The following TTC6 variants were observed in gnomAD, a reference collection of about 807,000 sequenced individuals.
TTC6 encodes tetratricopeptide repeat domain 6, also known as tetratricopeptide repeat protein 6.
TTC6 carries 172 observed loss-of-function variants against 210.4 expected under a neutral mutation model. The ratio of observed to expected loss-of-function variants is 0.82; its 90% CI spans 0.72 to 0.93. The LOEUF (loss-of-function observed/expected upper bound fraction) is 0.93, where lower values mean the gene tolerates loss of function less well. Ranked by LOEUF, TTC6 falls within the 40% of genes least tolerant of loss-of-function variation. The pLI, the probability that TTC6 is intolerant of heterozygous loss-of-function variation, is 0.00. For synonymous variants in TTC6, 804 were observed against 819.6 expected (o/e 0.98, Z 0.32); for missense variants, 2,414 against 2,318.1 (o/e 1.04, Z -0.85).
chr14:37,723,151 AT>A (rs1375991505), intron 6 of TTC6, among the ~76,000 whole-genome samples: 2 of 151,862 alleles, frequency 1.3e-5, no homozygotes, highest in Non-Finnish European at 2.9e-5. Flanking sequence ...TCATTGTGGG[AT>A]TTTTTTTAGA....
chr14:37,753,330 T>C (rs2095958127), intron 14 of TTC6, 95 bp downstream of exon 16: 1 of 1,070,210 alleles, frequency 9.3e-7, no homozygotes, highest in Non-Finnish European at 1.3e-6. Flanking sequence ...CAGACAGCTC[T>C]TTAAAAACAA....
intron 24 of TTC6, among the ~76,000 whole-genome samples, chr14:37,811,395 A>C (rs2096129277): frequency 1.3e-5 from 2 of 152,244 alleles, no homozygotes; most frequent in South Asian, 4.1e-4. Context: ...ACATTTTTTA[A>C]AGACACTTGA....
At chr14:37,826,110 G>A in intron 27 of TTC6, 85 bp from the exon 30 acceptor site, 1 of 1,377,348 alleles carries the variant, frequency 7.3e-7, no homozygotes, top group Non-Finnish European at 9.7e-7. Flanking sequence ...CCTTACTAAA[G>A]GTTTTATTTG....
intron 7 of TTC6, among the ~76,000 whole-genome samples, chr14:37,732,359 T>G (rs115840192): frequency 6.6e-6 from 1 of 150,802 alleles, no homozygotes; most frequent in South Asian, 2.1e-4. Flanking sequence ...ATTTTTCGTA[T>G]TTTTTAGTAC....
chr14:37,812,275 C>T (rs574881094), intron 24 of TTC6, 39 bp from the exon 27 acceptor site: 3 of 1,596,522 alleles, frequency 1.9e-6, no homozygotes, highest in East Asian at 4.5e-5. Context: ...AATTCAGGCT[C>T]TAAAAAGTTG....
At chr14:37,796,150 T>A (rs2096092201) in intron 18 of TTC6, 144 bp from the exon 21 acceptor site, 2 of 379,704 alleles carry the variant, frequency 5.3e-6, no homozygotes, top group South Asian at 9.8e-5. Flanking sequence ...TTATATAAAA[T>A]GTCTATAATT....
chr14:37,675,231 C>G (rs2095766492), intron 1 of TTC6, among the ~76,000 whole-genome samples: 1 of 152,016 alleles, frequency 6.6e-6, no homozygotes, highest in African/African-American at 2.4e-5. Flanking sequence ...TTCGCCATTC[C>G]CTATACCCCA....
intron 1 of TTC6, among the ~76,000 whole-genome samples, chr14:37,599,210 G>C (rs2095610597): frequency 6.6e-6 from 1 of 152,214 alleles, no homozygotes; most frequent in Non-Finnish European, 1.5e-5. Context: ...CCTGGCCAGG[G>C]TTCGAACTCC....
At chr14:37,778,814 C>T (rs1158773822) in intron 14 of TTC6, among the ~76,000 whole-genome samples, 5 of 152,228 alleles carry the variant, frequency 3.3e-5, no homozygotes, top group Admixed American at 2.0e-4. Context: ...CTGGGAGAGG[C>T]CAGCAGACAT....
At chr14:37,824,159 AGCTGGTAG>A in intron 27 of TTC6, among the ~76,000 whole-genome samples, 1 of 152,102 alleles carries the variant, frequency 6.6e-6, no homozygotes, top group Non-Finnish European at 1.5e-5. Flanking sequence ...CAGCCTGGGG[AGCTGGTAG>A]GCTGGTTAGA....
At chr14:37,654,937 AT>A (rs555690365) in intron 1 of TTC6, among the ~76,000 whole-genome samples, 95 of 152,296 alleles carry the variant, frequency 6.2e-4, no homozygotes, top group South Asian at 1.7e-3. Context: ...TTATCTGAAG[AT>A]TATACTTTCC....
chr14:37,667,516 G>A (rs2095750517), intron 1 of TTC6, among the ~76,000 whole-genome samples: 1 of 150,552 alleles, frequency 6.6e-6, no homozygotes, highest in Non-Finnish European at 1.5e-5. Flanking sequence ...ATGCAAATGA[G>A]ATTTTGAAAA....
At chr14:37,818,419 T>C (rs957924886) in intron 26 of TTC6, among the ~76,000 whole-genome samples, 1 of 152,158 alleles carries the variant, frequency 6.6e-6, no homozygotes, top group African/African-American at 2.4e-5. Context: ...GGATTTTAAT[T>C]TGTGATGAAA....
intron 13 of TTC6, among the ~76,000 whole-genome samples, chr14:37,751,571 A>C (rs1002627939): frequency 6.6e-6 from 1 of 152,064 alleles, no homozygotes; most frequent in Non-Finnish European, 1.5e-5. Context: ...ATTAAAGAAA[A>C]ATATTTTCTA....
rs572077598 is a variant in TTC6, at chr14:37,628,077, T to A, written c.939+5074T>A. 1.4e-4 allele frequency among the ~76,000 whole-genome samples: 22 copies of A among 152,306 alleles called. 1 individual carries two copies. In the South Asian group the frequency reaches 4.1e-3, roughly 29 times the overall value. On this transcript the variant is annotated intron_variant, in intron 1 of 30. Transcript: ENST00000553443. ...CCTCCACCTCCCAGGTTTAAGCAAT[T>A]CTCTTGCCTCAGCCTCCTGAGTAGC...
intron 4 of TTC6, among the ~76,000 whole-genome samples, chr14:37,698,336 G>A (rs1445140702): frequency 6.6e-6 from 1 of 152,138 alleles, no homozygotes; most frequent in African/African-American, 2.4e-5. Flanking sequence ...CTTAATGTTA[G>A]TAGACTATAA....
At chr14:37,666,403 A>G (rs1041216111) in intron 1 of TTC6, among the ~76,000 whole-genome samples, 2 of 148,962 alleles carry the variant, frequency 1.3e-5, no homozygotes, top group African/African-American at 4.9e-5. Flanking sequence ...ACCTGAGCCC[A>G]GAAATTTGAG....
chr14:37,743,973 G>T (rs190603868), intron 10 of TTC6, among the ~76,000 whole-genome samples: 2 of 152,166 alleles, frequency 1.3e-5, no homozygotes, highest in Admixed American at 6.5e-5. Flanking sequence ...TATGAAGAAA[G>T]CATCTTCCTT....
At chr14:37,796,650 G>A (rs890879086) in intron 19 of TTC6, 137 bp from the exon 22 acceptor site, 8 of 820,102 alleles carry the variant, frequency 9.8e-6, no homozygotes, top group Non-Finnish European at 1.4e-5. Flanking sequence ...ATCTTACTAT[G>A]ATTTGTTAAT....
Sources: allele counts gnomAD v4.1 joint callset (sites outside exome capture counted in the v4.1 genomes callset), GRCh38; gene constraint gnomAD v4.1.1; transcripts MANE v1.5; gene names NCBI Gene and HGNC (gene_info 2026-07-23, HGNC 2026-07-21).